ALDH1L1: variants seen among roughly 807,000 people sequenced by gnomAD.
ALDH1L1 encodes cytosolic 10-formyltetrahydrofolate dehydrogenase.
A neutral mutation model predicts 101.1 loss-of-function variants in ALDH1L1; 68 were observed. That is an observed-to-expected ratio of 0.67 (90% CI 0.55 to 0.82). The LOEUF is 0.82. Among genes scored for constraint, ALDH1L1 ranks in the 40% least tolerant of loss-of-function variants. The probability of loss-of-function intolerance (pLI) is 0.00; values close to 1 mark genes in which losing one functional copy is unlikely to be tolerated. For synonymous variants in ALDH1L1, 486 were observed against 470.8 expected (o/e 1.03, Z -0.42); for missense variants, 1,087 against 1,172.7 (o/e 0.93, Z 1.07).
intron 1 of ALDH1L1, among the ~76,000 whole-genome samples, chr3:126,194,289 T>A (rs967761097): frequency 6.6e-6 from 1 of 152,196 alleles, no homozygotes; most frequent in African/African-American, 2.4e-5. Flanking sequence ...GGTTAAACAT[T>A]ATTTCTTTGA....
chr3:126,189,714 G>T (rs2081541247), intron 1 of ALDH1L1, among the ~76,000 whole-genome samples: 1 of 152,206 alleles, frequency 6.6e-6, no homozygotes, highest in South Asian at 2.1e-4. Flanking sequence ...ATACATGAAA[G>T]CCTTACATTA....
At chr3:126,118,837 GCCGTGATTCCTGCC>G (rs1223615650) in intron 16 of ALDH1L1, among the ~76,000 whole-genome samples, 1 of 152,020 alleles carries the variant, frequency 6.6e-6, no homozygotes, top group Non-Finnish European at 1.5e-5. Flanking sequence ...CCCAGGGAAT[GCCGTGATTCCTGCC>G]CCGTCCCACG....
chr3:126,150,685 A>G, intron 7 of ALDH1L1, 154 bp from the exon 8 acceptor site: 3 of 889,308 alleles, frequency 3.4e-6, no homozygotes, highest in Non-Finnish European at 4.8e-6. Flanking sequence ...CCTCCTGAAT[A>G]GCTGGGATTA....
In ALDH1L1 at chr3:126,110,060, G is replaced by A. The variant is rs774901568; in HGVS notation, c.2231C>T (p.Thr744Ile). The A allele has an allele frequency of 1.2e-5, 19 of 1,614,096 alleles. No individual in the cohort carries two copies. The highest frequency in any genetic ancestry group is 3.3e-5 in the Admixed American group (2 of 60,008). Reference protein sequence around the residue: ...MKVGNPLDRDTDHGPQNHHAH... With the variant: ...MKVGNPLDRDIDHGPQNHHAH... Reference sequence around the variant, plus strand: ...ATGGTGATTCTGCGGCCCGTGGTCGGTGTCCCTGTCCAGCGGGTTGCCCAC... The same window carrying A: ...ATGGTGATTCTGCGGCCCGTGGTCGATGTCCCTGTCCAGCGGGTTGCCCAC... The change falls in exon 20 of 23, where the codon ACC becomes ATC. Residue 744 changes from threonine (T) to isoleucine (I), a missense_variant. This residue lies in a region of ALDH1L1 where 442 missense variants were observed against 535.7 expected (regional missense o/e 0.83). Transcript: ENST00000393434.
chr3:126,122,719 C>T (rs2080102393), intron 16 of ALDH1L1, among the ~76,000 whole-genome samples: 1 of 152,190 alleles, frequency 6.6e-6, no homozygotes, highest in Non-Finnish European at 1.5e-5. Context: ...AACATTTGTA[C>T]ATTTCACTGG....
chr3:126,109,674 G>C (rs1946012418), intron 20 of ALDH1L1, among the ~76,000 whole-genome samples: 2 of 152,072 alleles, frequency 1.3e-5, no homozygotes, highest in Non-Finnish European at 2.9e-5. Context: ...ATGGGGGAGA[G>C]ACTGTCAAGG....
intron 10 of ALDH1L1, 118 bp from the exon 11 acceptor site, chr3:126,137,001 C>A: frequency 7.0e-7 from 1 of 1,419,102 alleles, no homozygotes. Context: ...TTCAGAGCTG[C>A]ATGTAGGCAA....
chr3:126,128,888 G>A (rs1690317941), intron 14 of ALDH1L1: 1 of 152,288 alleles, frequency 6.6e-6, no homozygotes, highest in Non-Finnish European at 1.5e-5. Flanking sequence ...AAAGACCCAA[G>A]TGTGGCTCTG....
At chr3:126,155,301 A>G in intron 5 of ALDH1L1, 101 bp downstream of exon 5, 1 of 1,034,816 alleles carries the variant, frequency 9.7e-7, no homozygotes, top group Non-Finnish European at 1.4e-6. Context: ...AAGAATTACA[A>G]CCTGCACCAT....
At chr3:126,155,380 T>G (rs374152449) in intron 5 of ALDH1L1, 22 bp downstream of exon 5, 1 of 1,603,136 alleles carries the variant, frequency 6.2e-7, no homozygotes. Flanking sequence ...AGGATGAGGG[T>G]GTGGAGGGAC....
chr3:126,184,256 G>T (rs952506870), upstream of ALDH1L1, among the ~76,000 whole-genome samples: 3 of 152,196 alleles, frequency 2.0e-5, no homozygotes, highest in African/African-American at 7.2e-5. Flanking sequence ...TGCCGGGAAT[G>T]CCCTGCTTCT....
Position 126,143,777 on chromosome 3 carries a change from TA to T in ALDH1L1, c.1076+3057del, listed in dbSNP as rs779908788. Among the ~76,000 whole-genome samples, 10 of 151,888 alleles carry T rather than the reference TA, an allele frequency of 6.6e-5. 1 individual carries two copies. Among genetic ancestry groups the T allele is most frequent in the Admixed American group, 4.6e-4 (7 of 15,236 alleles). ...GGGCAACATAGCAAGACTTTGTCTG[TA>T]AAAAAAATTGTTTTAAGTTAGCTAG... On this transcript the variant is annotated intron_variant, in intron 9 of 22. Coordinates refer to ENST00000393434, the MANE Select transcript of ALDH1L1 (RefSeq NM_012190.4).
intron 1 of ALDH1L1, among the ~76,000 whole-genome samples, chr3:126,196,327 T>A (rs1351249574): frequency 6.6e-6 from 1 of 151,642 alleles, no homozygotes; most frequent in Non-Finnish European, 1.5e-5. Context: ...GAGCCTTAGA[T>A]TTTGAGAGGG....
At chr3:126,134,711 G>A (rs1406785900) in intron 12 of ALDH1L1, among the ~76,000 whole-genome samples, 1 of 152,234 alleles carries the variant, frequency 6.6e-6, no homozygotes, top group Non-Finnish European at 1.5e-5. Context: ...CTGACCGCAA[G>A]GCCAAGGCAG....
At chr3:126,161,524 G>A (rs372116745) in intron 1 of ALDH1L1, among the ~76,000 whole-genome samples, 7 of 152,330 alleles carry the variant, frequency 4.6e-5, no homozygotes, top group African/African-American at 1.7e-4. Flanking sequence ...AAAGGGGCCT[G>A]CGTGGGGGCG....
Position 126,103,603 on chromosome 3 carries a change from G to A in ALDH1L1, c.*188C>T. The stretch of plus-strand genomic sequence containing the variant: ...CAGAAGCTTTATTCTCCCTGGGAGG[G>A]GCACACCTCACCCAGCCAAGGGCTG... On this transcript the variant is annotated 3_prime_UTR_variant, in exon 23 of 23. Transcript: ENST00000393434. The A allele has an allele frequency of 1.6e-6, 1 of 618,768 alleles. No individual in the cohort carries two copies. The highest frequency in any genetic ancestry group is 1.9e-5 in the South Asian group (1 of 51,458). The allele number at this position is 618,768 out of a possible 1,614,324, so 38.3% of individuals were successfully genotyped here. A position where few individuals can be genotyped will look rare whatever the true frequency, so the allele number is the denominator to read the frequency against.
chr3:126,158,595 G>A lies in ALDH1L1; in HGVS notation c.172C>T (p.Arg58Trp), dbSNP rs769043466. 4.5e-5 allele frequency: 73 copies of A among 1,613,880 alleles called. No homozygotes were observed. Among genetic ancestry groups the A allele is most frequent in the South Asian group, 1.4e-4 (13 of 91,090 alleles). ...AAAGCCTGTCCTTTTGCACGCCACCGGGAGTACTTGAATACCGGCACTCCA... is the reference window on the plus strand; with the variant it reads ...AAAGCCTGTCCTTTTGCACGCCACCAGGAGTACTTGAATACCGGCACTCCA... ...KDGVPVFKYS[R>W]WRAKGQALPD... The change falls in exon 3 of 23, where the codon CGG becomes TGG. Residue 58 changes from arginine (R) to tryptophan (W), a missense_variant. Physicochemically the swap from Arg to Trp is moderately radical, Grantham distance 101. Around this residue, in one of 2 missense-constraint regions of ALDH1L1, gnomAD observed 645 missense variants for 637.0 expected, o/e 1.01. Coordinates refer to ENST00000393434, the MANE Select transcript of ALDH1L1 (RefSeq NM_012190.4).
Position 126,103,706 on chromosome 3 carries a change from G to C in ALDH1L1, c.*85C>G. The C allele has an allele frequency of 7.0e-7, 1 of 1,431,942 alleles. No homozygotes were observed. The highest frequency in any genetic ancestry group is 2.4e-5 in the East Asian group (1 of 42,278). The allele number at this position is 1,431,942 out of a possible 1,614,324, so 88.7% of individuals were successfully genotyped here. ...GGGCTTCCACTAGCCCCCCAGGTGG[G>C]AGGTGCTGTGCACCCAGGCTCAAGA... On this transcript the variant is annotated 3_prime_UTR_variant, in exon 23 of 23. Coordinates refer to ENST00000393434, the MANE Select transcript of ALDH1L1 (RefSeq NM_012190.4).
intron 1 of ALDH1L1, among the ~76,000 whole-genome samples, chr3:126,190,932 T>C (rs1170785357): frequency 1.3e-5 from 2 of 152,220 alleles, no homozygotes; most frequent in African/African-American, 4.8e-5. Flanking sequence ...GCTCTGCAGG[T>C]TAGGCTGATT....
Sources: allele counts gnomAD v4.1 joint callset (sites outside exome capture counted in the v4.1 genomes callset), GRCh38; gene constraint gnomAD v4.1.1; regional missense constraint gnomAD v4.1.1; transcripts MANE v1.5; gene names NCBI Gene and HGNC (gene_info 2026-07-23, HGNC 2026-07-21).